PKD1: variants seen among roughly 807,000 people sequenced by gnomAD.
The protein encoded by PKD1 is polycystin 1, transient receptor potential channel interacting.
Under a neutral mutation model 361.7 loss-of-function variants are expected in PKD1, and 81 were observed. The observed-to-expected ratio is 0.22, with a 90% confidence interval of 0.19 to 0.27. PKD1 has a LOEUF of 0.27. PKD1 is among the 10% of genes least tolerant of loss of function. The pLI, the probability that PKD1 is intolerant of heterozygous loss-of-function variation, is 1.00. For synonymous variants in PKD1, 3,615 were observed against 2,818.3 expected, an observed-to-expected ratio of 1.28 and a Z score of -8.95; for missense variants, 6,399 against 6,118.3, an observed-to-expected ratio of 1.05 and a Z score of -1.53.
rs746440732 is a variant in PKD1, at chr16:2,103,354, G to C, written c.8703C>G (p.Pro2901=). The C allele has an allele frequency of 6.2e-7, 1 of 1,604,852 alleles. No individual in the cohort carries two copies. Among genetic ancestry groups the C allele is most frequent in the Non-Finnish European group, 8.5e-7 (1 of 1,179,600 alleles). The change falls in exon 23 of 46, where the codon CCC becomes CCG. Residue 2901 remains proline (P), a synonymous_variant. Transcript: ENST00000262304. ...TGACCACAGCACCGACGGAGGCCTG[G>C]GGCTGGACCACAACGGAGTTGGCGG... The part of the protein sequence containing the change: ...ANSANSVVVQ[P]QASVGAVVTL...
chr16:2,117,931 G>C lies in PKD1; in HGVS notation c.1061C>G (p.Ala354Gly), dbSNP rs763558103. The change falls in exon 5 of 46, where the codon GCG becomes GGG. Residue 354 changes from alanine to glycine, a missense_variant. Physicochemically the swap from Ala to Gly is moderately conservative, Grantham distance 60 (BLOSUM62 0). Coordinates refer to ENST00000262304, the MANE Select transcript of PKD1 (RefSeq NM_001009944.3). ...ALLGTDVQVE[A>G]APAALELVCP... ...CACGAGCTCCAGGGCGGCAGGTGCC[G>C]CTTCCACCTGCACGTCTGTCCCCAG... 7.2e-7 allele frequency: 1 copy of C among 1,380,312 alleles called. No homozygotes were observed. The highest frequency in any genetic ancestry group is 2.5e-5 in the East Asian group (1 of 40,616). The allele number at this position is 1,380,312 out of a possible 1,614,324, so 85.5% of individuals were successfully genotyped here.
In PKD1 at chr16:2,117,618, C is replaced by G. The variant is rs1321023762; in HGVS notation, c.1256G>C (p.Cys419Ser). The change falls in exon 6 of 46, where the codon TGC becomes TCC. Residue 419 changes from cysteine to serine, a missense_variant. Transcript: ENST00000262304. Reference protein sequence around the residue: ...DTEIFPGNGHCYRLVVEKAAW... With the variant: ...DTEIFPGNGHSYRLVVEKAAW... ...CGCCTTCTCCACCACCAGGCGGTAG[C>G]AGTGCCCGTTGCCAGGGAAGATCTC... The G allele has an allele frequency of 6.2e-7, 1 of 1,610,544 alleles. No individual in the cohort carries two copies. The highest frequency in any genetic ancestry group is 1.3e-5 in the African/African-American group (1 of 74,974).
Position 2,109,879 on chromosome 16 carries a change from G to A in PKD1, c.5288C>T (p.Ser1763Phe). Residue 1763 changes from serine to phenylalanine, a missense_variant, in exon 15 of 46, where the codon TCC becomes TTC. Physicochemically the swap from Ser to Phe is radical, Grantham distance 155. Transcript: ENST00000262304. Reference protein sequence around the residue: ...SLEEGLSWETSEPFTTHSFPT... With the variant: ...SLEEGLSWETFEPFTTHSFPT... Reference sequence around the variant, plus strand: ...GAAGCTATGGGTGGTAAATGGCTCGGAGGTCTCCCAGCTCAGCCCCTCCTC... The same window carrying A: ...GAAGCTATGGGTGGTAAATGGCTCGAAGGTCTCCCAGCTCAGCCCCTCCTC... 6.2e-7 allele frequency: 1 copy of A among 1,610,714 alleles called. No individual in the cohort carries two copies. Among genetic ancestry groups the A allele is most frequent in the Middle Eastern group, 2.3e-4 (1 of 4,430 alleles).
rs776884781 is a variant in PKD1, at chr16:2,090,087, G to A, written c.12552C>T (p.Ala4184=). ...DVPPPSAGSD[A]SHPSTSSSQL... ...GGCTGGAGGAGGTGGAGGGGTGCGA[G>A]GCATCGGAGCCAGCGCTGGGTGGGG... is the stretch of plus-strand genomic sequence containing the variant. The change falls in exon 46 of 46, where the codon GCC becomes GCT. Residue 4184 remains alanine (A), a synonymous_variant. Coordinates refer to ENST00000262304, the MANE Select transcript of PKD1 (RefSeq NM_001009944.3). 6.8e-6 allele frequency: 11 copies of A among 1,608,814 alleles called. No individual in the cohort carries two copies. The highest frequency in any genetic ancestry group is 2.2e-5 in the East Asian group (1 of 44,776).
In PKD1 at chr16:2,099,895, C is replaced by T. The variant is rs775497330; in HGVS notation, c.9889G>A (p.Val3297Met). The part of the protein sequence containing the change: ...LICLFLGANA[V>M]WYGAVGDSAY... ...GAGTCGCCAACAGCCCCGTACCACA[C>T]GGCGTTGGCGCCCAGGAAGAGGCAG... is the stretch of plus-strand genomic sequence containing the variant. The change falls in exon 29 of 46, where the codon GTG becomes ATG. Residue 3297 changes from valine to methionine, a missense_variant. Coordinates refer to ENST00000262304, the MANE Select transcript of PKD1 (RefSeq NM_001009944.3). 1.3e-4 allele frequency: 197 copies of T among 1,566,074 alleles called. 1 individual carries two copies. In the Middle Eastern group the frequency reaches 1.8e-3, roughly 14 times the overall value.
chr16:2,091,238 G>T, intron 42 of PKD1, 64 bp from the exon 43 acceptor site: 1 of 724,272 alleles, frequency 1.4e-6, no homozygotes, highest in Non-Finnish European at 1.8e-6. Context: ...GCGAGGGGGC[G>T]GGACGCTGCC....
intron 1 of PKD1, among the ~76,000 whole-genome samples, chr16:2,122,326 G>A (rs1475819353): frequency 6.6e-6 from 1 of 152,242 alleles, no homozygotes; most frequent in Non-Finnish European, 1.5e-5. Context: ...GACACTCAGA[G>A]AGCCTATGCC....
chr16:2,092,802 C>T (rs979617398), intron 38 of PKD1, 152 bp downstream of exon 38: 24 of 972,016 alleles, frequency 2.5e-5, no homozygotes, highest in Admixed American at 3.6e-5. Flanking sequence ...GACCTGTGTC[C>T]CTCCCCTCTG....
Position 2,097,203 on chromosome 16 carries a change from T to C in PKD1, c.10444A>G (p.Ser3482Gly). 1 of 1,567,608 alleles carries C rather than the reference T, an allele frequency of 6.4e-7. No homozygotes were observed. Among genetic ancestry groups the C allele is most frequent in the Non-Finnish European group, 8.6e-7 (1 of 1,156,184 alleles). Residue 3482 changes from serine (S) to glycine (G), a missense_variant, in exon 34 of 46, where the codon AGC (serine) becomes GGC (glycine). Physicochemically the swap from Ser to Gly is moderately conservative, Grantham distance 56 (BLOSUM62 0). Coordinates refer to ENST00000262304, the MANE Select transcript of PKD1 (RefSeq NM_001009944.3). ...GTGTCTTGGGTAGGGGCTGGGCTGCTGACCCCCTCGGCAAGGACCTGCTGG... is the reference window on the plus strand; with the variant it reads ...GTGTCTTGGGTAGGGGCTGGGCTGCCGACCCCCTCGGCAAGGACCTGCTGG... ...LIQQVLAEGV[S>G]SPAPTQDTHM...
Position 2,110,025 on chromosome 16 carries a change from G to C in PKD1, c.5142C>G (p.Phe1714Leu), listed in dbSNP as rs144663361. 1.2e-6 allele frequency: 2 copies of C among 1,610,394 alleles called. No homozygotes were observed. Among genetic ancestry groups the C allele is most frequent in the Admixed American group, 1.7e-5 (1 of 59,958 alleles). ...GSAWADCTMD[F>L]VEPVGWLMVA... Reference sequence around the variant, plus strand: ...CCATCAGCCACCCCACAGGCTCCACGAAGTCCATGGTGCAGTCGGCCCAGG... The same window carrying C: ...CCATCAGCCACCCCACAGGCTCCACCAAGTCCATGGTGCAGTCGGCCCAGG... The change falls in exon 15 of 46, where the codon TTC becomes TTG. Residue 1714 changes from phenylalanine (F) to leucine (L), a missense_variant. By Grantham distance (22) the Phe-to-Leu change is conservative. Coordinates refer to ENST00000262304, the MANE Select transcript of PKD1 (RefSeq NM_001009944.3).
Position 2,105,889 on chromosome 16 carries a change from C to T in PKD1, c.7839G>A (p.Leu2613=), listed in dbSNP as rs746388021. The change falls in exon 20 of 46, where the codon TTG becomes TTA. Residue 2613 remains leucine (L), a synonymous_variant. Transcript: ENST00000262304. ...CCTCGTTCAGCACGGTGACCAGGGC[C>T]AACGAGTACTCGATGACGTGCTGGG... ...ADPQHVIEYS[L]ALVTVLNEYE... 1.1e-5 allele frequency: 18 copies of T among 1,596,190 alleles called. No homozygotes were observed. In the South Asian group the frequency reaches 1.9e-4, roughly 17 times the overall value.
intron 42 of PKD1, 28 bp downstream of exon 42, chr16:2,091,395 C>G (rs11866494): frequency 0.17 from 167,183 of 1,000,558 alleles, 23,189 homozygotes; most frequent in African/African-American, 0.62. Context: ...CGGTGGGAGG[C>G]GCGGGGTCTG....
In PKD1 at chr16:2,110,824, G is replaced by A. The variant is rs546332839; in HGVS notation, c.4343C>T (p.Ser1448Phe). ...GTCATTGGCAGCAGAGATGTTGTTG[G>A]ACGCGGTGACTGTCACAAGATAGGA... is the stretch of plus-strand genomic sequence containing the variant. ...PGSYLVTVTA[S>F]NNISAANDSA... The change falls in exon 15 of 46, where the codon TCC becomes TTC. Residue 1448 changes from serine to phenylalanine, a missense_variant. Ser to Phe is a radical substitution (Grantham distance 155). Coordinates refer to ENST00000262304, the MANE Select transcript of PKD1 (RefSeq NM_001009944.3). The A allele has an allele frequency of 3.2e-5, 52 of 1,611,726 alleles. 1 individual carries two copies. In the East Asian group the frequency reaches 1.1e-3, roughly 33 times the overall value.
chr16:2,121,768 C>A (rs1489914580), intron 1 of PKD1, among the ~76,000 whole-genome samples: 1 of 152,142 alleles, frequency 6.6e-6, no homozygotes, highest in Non-Finnish European at 1.5e-5. Context: ...CTCCGCAGGT[C>A]TGCACACCAC....
Position 2,088,904 on chromosome 16 carries a change from C to T in PKD1, c.*823G>A, listed in dbSNP as rs778239438. ...GCGCACACACACACACACACAGTCA[C>T]CTTCCTCCACCCTGGGAGCCAGCCC... On this transcript the variant is annotated 3_prime_UTR_variant, in exon 46 of 46. Transcript: ENST00000262304. 4.8e-6 allele frequency: 2 copies of T among 420,128 alleles called. No individual in the cohort carries two copies. Among genetic ancestry groups the T allele is most frequent in the Non-Finnish European group, 8.7e-6 (2 of 228,938 alleles). The allele number at this position is 420,128 out of a possible 1,614,324, so 26.0% of individuals were successfully genotyped here.
Position 2,089,110 on chromosome 16 carries a change from C to G in PKD1, c.*617G>C. 1 of 175,916 alleles carries G rather than the reference C, an allele frequency of 5.7e-6. No individual in the cohort carries two copies. Among genetic ancestry groups the G allele is most frequent in the Non-Finnish European group, 1.2e-5 (1 of 82,028 alleles). 10.9% of individuals were successfully genotyped at this position (175,916 alleles called of 1,614,324 possible). ...GCCTGGCAGACAGCTGTGCCCCCAG[C>G]ACCGGCCCAAGGCCAAGCTCGCATC... On this transcript the variant is annotated 3_prime_UTR_variant, in exon 46 of 46. Transcript: ENST00000262304.
chr16:2,127,584 G>A (rs2092814996), intron 1 of PKD1, among the ~76,000 whole-genome samples: 1 of 152,102 alleles, frequency 6.6e-6, no homozygotes, highest in African/African-American at 2.4e-5. Context: ...CACAGTGCAT[G>A]GAGGACAGGG....
rs150949575 is a variant in PKD1, at chr16:2,099,989, G to A, written c.9795C>T (p.Ser3265=). 2.3e-3 allele frequency: 3,666 copies of A among 1,564,930 alleles called. 7 individuals carry two copies. Among genetic ancestry groups the A allele is most frequent in the Admixed American group, 4.1e-3 (217 of 52,604 alleles). Residue 3265 remains serine (S), a synonymous_variant, in exon 29 of 46, where the codon TCC becomes TCT. Transcript: ENST00000262304. ...GGCTACGAGGCGGCCGGTCCCATAT[G>A]GAGAGCCAGATGTGCTTGTCAAAGA... The part of the protein sequence containing the change: ...RGFFDKHIWL[S]IWDRPPRSRF...
Position 2,093,642 on chromosome 16 carries a change from T to C in PKD1, c.10918A>G (p.Ser3640Gly), listed in dbSNP as rs2091707880. The C allele has an allele frequency of 1.9e-6, 3 of 1,608,838 alleles. No individual in the cohort carries two copies. Among genetic ancestry groups the C allele is most frequent in the East Asian group, 2.2e-5 (1 of 44,794 alleles). ...GGCCGTACGCGGGGCACACGTGCGC[T>C]CACAGGCGTCACAGCCGGGCTCTCT... ...LVESPAVTPV[S>G]ARVPRVRPPH... The change falls in exon 37 of 46, where the codon AGC (serine) becomes GGC (glycine). Residue 3640 changes from serine (S) to glycine (G), a missense_variant. Coordinates refer to ENST00000262304, the MANE Select transcript of PKD1 (RefSeq NM_001009944.3).
Sources: allele counts gnomAD v4.1 joint callset (sites outside exome capture counted in the v4.1 genomes callset), GRCh38; gene constraint gnomAD v4.1.1; transcripts MANE v1.5; gene names NCBI Gene and HGNC (gene_info 2026-07-23, HGNC 2026-07-21).